RAP1GAP2: variants seen among roughly 807,000 people sequenced by gnomAD.
RAP1GAP2 encodes the protein rap1 GTPase-activating protein 2.
Under a neutral mutation model 95.0 loss-of-function variants are expected in RAP1GAP2, and 27 were observed. The observed-to-expected ratio is 0.28, with a 90% CI of 0.21 to 0.39. RAP1GAP2 has a LOEUF of 0.39. Ranked by LOEUF, RAP1GAP2 falls within the 10% of genes least tolerant of loss-of-function variation. RAP1GAP2 has a pLI of 1.00. For synonymous variants in RAP1GAP2, 373 were observed against 380.9 expected (o/e 0.98, Z 0.24); for missense variants, 771 against 970.0 (o/e 0.79, Z 2.72).
chr17:2,776,599 A>C (rs1162978692), upstream of RAP1GAP2, among the ~76,000 whole-genome samples: 1 of 151,854 alleles, frequency 6.6e-6, no homozygotes, highest in Admixed American at 6.6e-5. Context: ...GCAGCGGCAC[A>C]GGGACCAGGG....
chr17:2,829,655 C>T (rs1374017561), intron 2 of RAP1GAP2, among the ~76,000 whole-genome samples: 2 of 152,142 alleles, frequency 1.3e-5, no homozygotes, highest in Non-Finnish European at 2.9e-5. Context: ...CTGCCCTATA[C>T]TCCGTGCTCT....
intron 4 of RAP1GAP2, among the ~76,000 whole-genome samples, chr17:2,958,654 G>A (rs796908597): frequency 1.3e-5 from 2 of 152,206 alleles, no homozygotes; most frequent in African/African-American, 2.4e-5. Flanking sequence ...CAAAGGGTGC[G>A]TGGCTCATAA....
intron 1 of RAP1GAP2, among the ~76,000 whole-genome samples, chr17:2,761,490 G>T (rs555130459): frequency 6.6e-6 from 1 of 151,630 alleles, no homozygotes; most frequent in African/African-American, 2.4e-5. Flanking sequence ...GTTTCTCCAC[G>T]TTGGCCAGGC....
chr17:2,794,192 C>A (rs913822100), upstream of RAP1GAP2, among the ~76,000 whole-genome samples: 2 of 152,148 alleles, frequency 1.3e-5, no homozygotes, highest in African/African-American at 4.8e-5. Context: ...CCCACACTCT[C>A]CACAGCCCCA....
intron 2 of RAP1GAP2, among the ~76,000 whole-genome samples, chr17:2,821,085 C>G (rs2070283672): frequency 6.6e-6 from 1 of 151,898 alleles, no homozygotes; most frequent in South Asian, 2.1e-4. Context: ...TGAATAAGCG[C>G]TTGGAAACCC....
At position 2,848,608 on chromosome 17, in the gene RAP1GAP2, G is replaced by C. The variant is rs564807895; in HGVS notation, c.80+48058G>C. On this transcript the variant is annotated intron_variant, in intron 2 of 24. Coordinates refer to ENST00000254695, the MANE Select transcript of RAP1GAP2 (RefSeq NM_015085.5). ...CAGCTCACTACAACCTCCGCCTCTGGGCTCCAGCAATTCTCCTTCCTCAGC... is the reference window on the plus strand; with the variant it reads ...CAGCTCACTACAACCTCCGCCTCTGCGCTCCAGCAATTCTCCTTCCTCAGC... Among the ~76,000 whole-genome samples, 142 of 151,962 alleles carry C rather than the reference G, an allele frequency of 9.3e-4. 1 individual carries two copies. The highest frequency in any genetic ancestry group is 7.3e-3 in the South Asian group (35 of 4,812).
intron 2 of RAP1GAP2, among the ~76,000 whole-genome samples, chr17:2,803,558 G>C (rs1356365957): frequency 6.6e-6 from 1 of 152,204 alleles, no homozygotes; most frequent in African/African-American, 2.4e-5. Context: ...GGAGAACAAA[G>C]TTGGTGCACT....
chr17:2,773,958 A>G (rs921572251), upstream of RAP1GAP2, among the ~76,000 whole-genome samples: 2 of 151,982 alleles, frequency 1.3e-5, no homozygotes, highest in African/African-American at 4.8e-5. Flanking sequence ...GGGTTTCACC[A>G]TGTTGGCCAG....
chr17:2,780,105 C>T (rs1184619097), intron 1 of RAP1GAP2, among the ~76,000 whole-genome samples: 2 of 152,206 alleles, frequency 1.3e-5, no homozygotes, highest in East Asian at 1.9e-4. Flanking sequence ...GGCTGGAGTG[C>T]AGTGGCGCGA....
chr17:2,830,578 G>T (rs1178026267), intron 2 of RAP1GAP2, among the ~76,000 whole-genome samples: 1 of 152,024 alleles, frequency 6.6e-6, no homozygotes, highest in Admixed American at 6.6e-5. Flanking sequence ...GCTGGGCGTG[G>T]TGGCGGGCGC....
intron 3 of RAP1GAP2, among the ~76,000 whole-genome samples, chr17:2,936,385 T>C (rs776851830): frequency 2.6e-5 from 4 of 151,386 alleles, no homozygotes; most frequent in Non-Finnish European, 4.4e-5. Context: ...TCTCTGCTCA[T>C]GACCCTGCCA....
In RAP1GAP2 at chr17:2,827,779, C is replaced by G. The variant is rs1439300098; in HGVS notation, c.80+27229C>G. 1.3e-5 allele frequency among the ~76,000 whole-genome samples: 2 copies of G among 151,418 alleles called. No individual in the cohort carries two copies. The highest frequency in any genetic ancestry group is 2.9e-5 in the Non-Finnish European group (2 of 67,952). On this transcript the variant is annotated intron_variant, in intron 2 of 24. Transcript: ENST00000254695. This position sits in a 1 kb window ranked among gnomAD's most constrained non-coding sequence, Gnocchi z 4.1. Reference sequence around the variant, plus strand: ...CTCATTCATCCCATCTGGTCAGCATCTCTTTGGTTGCTTTTTATCAGCTTC... The same window carrying G: ...CTCATTCATCCCATCTGGTCAGCATGTCTTTGGTTGCTTTTTATCAGCTTC...
At chr17:2,924,946 C>T (rs907216556) in intron 3 of RAP1GAP2, among the ~76,000 whole-genome samples, 3 of 152,138 alleles carry the variant, frequency 2.0e-5, no homozygotes, top group South Asian at 2.1e-4. Context: ...AGAGATGCCA[C>T]GGGGATCAGG....
rs556799906 is a variant in RAP1GAP2 at position 2,837,208 on chromosome 17, G to A, written c.80+36658G>A. On this transcript the variant is annotated intron_variant, in intron 2 of 24. Coordinates refer to ENST00000254695, the MANE Select transcript of RAP1GAP2 (RefSeq NM_015085.5). The stretch of plus-strand genomic sequence containing the variant: ...TGAGGCTGCAGTAAGCTATGATTGC[G>A]CCACTGCACTCCAGCCTGGGTGACA... Among the ~76,000 whole-genome samples, 4 of 149,744 alleles carry A rather than the reference G, an allele frequency of 2.7e-5. No homozygotes were observed. In the East Asian group the frequency reaches 7.9e-4, roughly 29 times the overall value.
At chr17:2,836,988 C>T (rs1567695448) in intron 2 of RAP1GAP2, among the ~76,000 whole-genome samples, 1 of 152,136 alleles carries the variant, frequency 6.6e-6, no homozygotes, top group Non-Finnish European at 1.5e-5. Flanking sequence ...CGGTGGCTCA[C>T]ACCTGTCATC....
intron 21 of RAP1GAP2, among the ~76,000 whole-genome samples, 160 bp downstream of exon 21, chr17:3,026,624 C>G (rs370782710): frequency 3.2e-4 from 48 of 152,180 alleles, no homozygotes; most frequent in South Asian, 2.1e-4. Flanking sequence ...ATCACCACCC[C>G]CTGGGCGCAG....
chr17:2,770,351 C>CGAAT lies in RAP1GAP2; in HGVS notation c.74_77dup (p.Ile26MetfsTer26), dbSNP rs2068366491. 2.5e-6 allele frequency: 1 copy of CGAAT among 398,514 alleles called. No homozygotes were observed. The highest frequency in any genetic ancestry group is 2.1e-5 in the African/African-American group (1 of 48,622). The allele number at this position is 398,514 out of a possible 1,614,324, so 24.7% of individuals were successfully genotyped here. A position where few individuals can be genotyped will look rare whatever the true frequency, so the allele number is the denominator to read the frequency against. On this transcript the variant is annotated frameshift_variant, in exon 2 of 26. Coordinates refer to the RAP1GAP2 transcript ENST00000637138. LOFTEE classifies it high-confidence loss of function. The stretch of plus-strand genomic sequence containing the variant: ...CAGGTACGTGCAGGAAGGGCGGTTC[C>CGAAT]GAATCGAGGAGAGGACGCTGACAGC...
At chr17:2,934,880 A>G (rs1304867192) in intron 3 of RAP1GAP2, among the ~76,000 whole-genome samples, 3 of 152,222 alleles carry the variant, frequency 2.0e-5, no homozygotes, top group Non-Finnish European at 2.9e-5. Flanking sequence ...AGGAAAGATC[A>G]GTCTTAGCTA....
At chr17:2,831,703 G>A (rs116664592) in intron 2 of RAP1GAP2, among the ~76,000 whole-genome samples, 4 of 151,584 alleles carry the variant, frequency 2.6e-5, no homozygotes, top group African/African-American at 7.3e-5. Flanking sequence ...CCAGCCTGGT[G>A]GGGGGGCAGC....
Sources: allele counts gnomAD v4.1 joint callset (sites outside exome capture counted in the v4.1 genomes callset), GRCh38; gene constraint gnomAD v4.1.1; non-coding constraint Gnocchi (gnomAD v3.1); transcripts MANE v1.5; gene names NCBI Gene and HGNC (gene_info 2026-07-23, HGNC 2026-07-21).